Variants in SLC24A2 observed in about 807,000 individuals in gnomAD.
SLC24A2 encodes sodium/potassium/calcium exchanger 2.
Under a neutral mutation model 62.0 loss-of-function variants are expected in SLC24A2, and 36 were observed. That is an observed-to-expected ratio of 0.58 (90% CI 0.44 to 0.77). SLC24A2 has a LOEUF of 0.77. Ranked by LOEUF, SLC24A2 falls within the 30% of genes least tolerant of loss-of-function variation. The pLI is 0.00. For missense variants in SLC24A2, 846 were observed against 817.9 expected (o/e 1.03, Z -0.42); for synonymous variants, 358 against 294.0 (o/e 1.22, Z -2.23).
intron 2 of SLC24A2, among the ~76,000 whole-genome samples, chr9:19,692,179 T>G (rs542959927): frequency 2.0e-5 from 3 of 152,248 alleles, no homozygotes; most frequent in Admixed American, 2.0e-4. Flanking sequence ...AAAGTATAAT[T>G]TAAAAAATTC....
At chr9:19,838,039 G>C in the SLC24A2 span, among the ~76,000 whole-genome samples, 2 of 150,284 alleles carry the variant, frequency 1.3e-5, no homozygotes, top group African/African-American at 2.4e-5. Flanking sequence ...AGCTACCAAT[G>C]CCTTTCTTCA....
At chr9:20,083,765 A>G in the SLC24A2 span, among the ~76,000 whole-genome samples, 39,074 of 152,082 alleles carry the variant, frequency 0.26, 6,321 homozygotes, top group East Asian at 0.73. Flanking sequence ...ATTCATTTAG[A>G]AGCCTCTCTG....
At chr9:20,037,735 G>A in the SLC24A2 span, among the ~76,000 whole-genome samples, 1 of 152,160 alleles carries the variant, frequency 6.6e-6, no homozygotes. Context: ...GGTAATGTCT[G>A]GAGACACTTT....
At chr9:20,271,968 G>T in the SLC24A2 span, among the ~76,000 whole-genome samples, 10 of 138,158 alleles carry the variant, frequency 7.2e-5, no homozygotes, top group African/African-American at 2.7e-4. Flanking sequence ...TGCCCATCTG[G>T]AGGGGGAAAG....
the SLC24A2 span, among the ~76,000 whole-genome samples, chr9:20,093,300 G>C: frequency 6.6e-6 from 1 of 151,898 alleles, no homozygotes; most frequent in Non-Finnish European, 1.5e-5. Context: ...TCGAACTCCT[G>C]ACCTCAGATG....
the SLC24A2 span, among the ~76,000 whole-genome samples, chr9:20,254,786 G>C: frequency 6.6e-6 from 1 of 152,146 alleles, no homozygotes; most frequent in Non-Finnish European, 1.5e-5. Context: ...CCCAAGACTG[G>C]ATGATTTATA....
chr9:20,306,065 C>T, the SLC24A2 span, among the ~76,000 whole-genome samples: 1 of 152,150 alleles, frequency 6.6e-6, no homozygotes, highest in Non-Finnish European at 1.5e-5. Context: ...ACCCTATCTC[C>T]AAACACAGTC....
chr9:19,841,298 G>C, the SLC24A2 span, among the ~76,000 whole-genome samples: 80 of 152,260 alleles, frequency 5.3e-4, no homozygotes, highest in Middle Eastern at 0.01. Context: ...GGGGAATAGG[G>C]AGTGTGAGGT....
chr9:19,874,636 C>A, the SLC24A2 span, among the ~76,000 whole-genome samples: 2 of 152,210 alleles, frequency 1.3e-5, no homozygotes, highest in Non-Finnish European at 2.9e-5. Context: ...GCATCCACAT[C>A]TCTCTTTGCC....
chr9:20,213,879 G>A, the SLC24A2 span, among the ~76,000 whole-genome samples: 35 of 152,112 alleles, frequency 2.3e-4, no homozygotes, highest in Non-Finnish European at 3.1e-4. Context: ...TTGTAAGATA[G>A]GTATTATGAT....
At chr9:19,714,811 G>C (rs1293265220) in intron 2 of SLC24A2, among the ~76,000 whole-genome samples, 3 of 152,122 alleles carry the variant, frequency 2.0e-5, no homozygotes, top group African/African-American at 7.2e-5. Context: ...CCTGAATACA[G>C]TATGCTCTTA....
chr9:19,974,093 C>T, the SLC24A2 span, among the ~76,000 whole-genome samples: 12 of 152,030 alleles, frequency 7.9e-5, no homozygotes, highest in Admixed American at 2.0e-4. Flanking sequence ...ATATGGTTTC[C>T]GGTATATGAT....
At chr9:20,260,544 T>A in the SLC24A2 span, among the ~76,000 whole-genome samples, 1 of 152,234 alleles carries the variant, frequency 6.6e-6, no homozygotes, top group Non-Finnish European at 1.5e-5. Flanking sequence ...GAAATCCATA[T>A]GACATAGCTC....
At chr9:19,556,634 T>G (rs1385102382) in intron 7 of SLC24A2, among the ~76,000 whole-genome samples, 3 of 152,100 alleles carry the variant, frequency 2.0e-5, no homozygotes, top group African/African-American at 7.2e-5. Context: ...TTCTTACATC[T>G]CTCCCCCGGC....
rs141011251 is a variant in SLC24A2, at chr9:19,691,681, GTA to G, written c.931-69384_931-69383del. Among the ~76,000 whole-genome samples, 7 of 152,236 alleles carry G rather than the reference GTA, an allele frequency of 4.6e-5. No individual in the cohort carries two copies. The East Asian group carries it at 1.2e-3, about 25-fold the overall frequency. On this transcript the variant is annotated intron_variant, in intron 2 of 10. Transcript: ENST00000341998. ...ACAGAACCAGTTATATACTTTCCTA[GTA>G]TATGTTAAAATAAGCATATAATCAT...
At chr9:19,938,109 A>T in the SLC24A2 span, among the ~76,000 whole-genome samples, 1,678 of 152,270 alleles carry the variant, frequency 0.011, 24 homozygotes, top group African/African-American at 0.038. Flanking sequence ...TAGTACTCTT[A>T]TAGACTGTGA....
At chr9:19,750,637 T>C (rs1022700097) in intron 2 of SLC24A2, among the ~76,000 whole-genome samples, 2 of 152,166 alleles carry the variant, frequency 1.3e-5, no homozygotes, top group African/African-American at 2.4e-5. Context: ...CTTTATAAAA[T>C]GCAATTTTGA....
chr9:19,737,861 A>G (rs1432451529), intron 2 of SLC24A2, among the ~76,000 whole-genome samples: 2 of 152,112 alleles, frequency 1.3e-5, no homozygotes, highest in African/African-American at 2.4e-5. Flanking sequence ...CAGTTCTAAC[A>G]TGGAATGTCC....
At chr9:20,143,993 T>C in the SLC24A2 span, among the ~76,000 whole-genome samples, 1 of 152,174 alleles carries the variant, frequency 6.6e-6, no homozygotes, top group African/African-American at 2.4e-5. Context: ...ATGGAAATAA[T>C]CTCTTCCTCT....
Sources: allele counts gnomAD v4.1 joint callset (sites outside exome capture counted in the v4.1 genomes callset), GRCh38; gene constraint gnomAD v4.1.1; transcripts MANE v1.5; gene names NCBI Gene and HGNC (gene_info 2026-07-23, HGNC 2026-07-21).